UBA2: variants seen among roughly 807,000 people sequenced by gnomAD.
The protein encoded by UBA2 is SUMO-activating enzyme subunit 2.
A neutral mutation model predicts 77.2 loss-of-function variants in UBA2; 11 were observed. That is an observed-to-expected ratio of 0.14 (90% CI 0.09 to 0.24). The LOEUF is 0.24. Among genes scored for constraint, UBA2 ranks in the 10% least tolerant of loss-of-function variants. UBA2 has a pLI of 1.00. For synonymous variants in UBA2, 278 were observed against 276.7 expected (o/e 1.00, Z -0.05); for missense variants, 487 against 781.7 (o/e 0.62, Z 4.50).
chr19:34,445,512 T>C (rs1404708991), intron 8 of UBA2, among the ~76,000 whole-genome samples: 1 of 146,480 alleles, frequency 6.8e-6, no homozygotes, highest in Non-Finnish European at 1.5e-5. Flanking sequence ...CGATCTCGGC[T>C]CACTGCAGCC....
At chr19:34,434,834 TCCCAAAAA>T in intron 4 of UBA2, 26 bp from the exon 5 acceptor site, 1 of 1,510,666 alleles carries the variant, frequency 6.6e-7, no homozygotes. Flanking sequence ...ATTTTTTTTT[TCCCAAAAA>T]CTCATACTGT....
chr19:34,434,143 G>A (rs1218771975), intron 4 of UBA2, among the ~76,000 whole-genome samples: 8 of 152,216 alleles, frequency 5.3e-5, no homozygotes, highest in African/African-American at 1.9e-4. Context: ...GGCTTGGGGG[G>A]TCTCACTGTT....
intron 15 of UBA2, 135 bp from the exon 16 acceptor site, chr19:34,466,743 T>C (rs1003456452): frequency 4.5e-6 from 3 of 663,592 alleles, no homozygotes; most frequent in South Asian, 7.4e-5. Context: ...TTTTTTTAAA[T>C]AAAAATTAAA....
intron 12 of UBA2, among the ~76,000 whole-genome samples, chr19:34,454,820 A>G (rs1481097241): frequency 6.6e-6 from 1 of 152,188 alleles, no homozygotes; most frequent in African/African-American, 2.4e-5. Context: ...TCCTTATACT[A>G]AGAAGATGTT....
Position 34,469,923 on chromosome 19 carries a change from C to T in UBA2, c.*702C>T, listed in dbSNP as rs984173752. The T allele has an allele frequency of 6.6e-6, 1 of 152,444 alleles. No individual in the cohort carries two copies. The highest frequency in any genetic ancestry group is 1.9e-4 in the East Asian group (1 of 5,190). The allele number at this position is 152,444 out of a possible 1,614,324, so 9.4% of individuals were successfully genotyped here. A position where few individuals can be genotyped will look rare whatever the true frequency, so the allele number is the denominator to read the frequency against. On this transcript the variant is annotated 3_prime_UTR_variant, in exon 17 of 17. Transcript: ENST00000246548. ...CCTGCACAGTTCCTGTTTCTGCTGC[C>T]TTATATCTACTGCAGGAATGTCAAA...
rs141446035 is a variant in UBA2, at chr19:34,449,011, A to C, written c.772-1254A>C. Among the ~76,000 whole-genome samples the C allele has an allele frequency of 3.5e-3, 533 of 151,544 alleles. 3 individuals carry two copies. The highest frequency in any genetic ancestry group is 0.012 in the African/African-American group (507 of 41,266). On this transcript the variant is annotated intron_variant, in intron 8 of 16. Coordinates refer to ENST00000246548, the MANE Select transcript of UBA2 (RefSeq NM_005499.3). ...ATCTCCTTGCCTTTGTACCCATTTC[A>C]CATGTTGCTGTCATAAGGAGACTCT...
At chr19:34,450,463 A>G in intron 9 of UBA2, 99 bp downstream of exon 9, 5 of 760,172 alleles carry the variant, frequency 6.6e-6, no homozygotes, top group Non-Finnish European at 1.0e-5. Context: ...ATATGTCTTC[A>G]TATATTCAAA....
In UBA2 at chr19:34,470,311, C is replaced by A. The variant is rs1328162010; in HGVS notation, c.*1090C>A. The A allele has an allele frequency of 6.6e-6, 1 of 152,070 alleles. No individual in the cohort carries two copies. The highest frequency in any genetic ancestry group is 1.5e-5 in the Non-Finnish European group (1 of 68,018). 9.4% of individuals were successfully genotyped at this position (152,070 alleles called of 1,614,324 possible). A position where few individuals can be genotyped will look rare whatever the true frequency, so the allele number is the denominator to read the frequency against. The stretch of plus-strand genomic sequence containing the variant: ...TTGCCAAAGACGAGTACTTTCTTTT[C>A]TTTATTCTTGGAGACTTCACATGTA... On this transcript the variant is annotated 3_prime_UTR_variant, in exon 17 of 17. Coordinates refer to ENST00000246548, the MANE Select transcript of UBA2 (RefSeq NM_005499.3).
intron 8 of UBA2, among the ~76,000 whole-genome samples, chr19:34,445,549 C>T (rs1054636706): frequency 6.6e-6 from 1 of 150,468 alleles, no homozygotes; most frequent in Admixed American, 6.7e-5. Context: ...AGTGATTCTC[C>T]TGCCTCAGCC....
chr19:34,453,616 C>T (rs566098933), intron 10 of UBA2, among the ~76,000 whole-genome samples: 11 of 151,354 alleles, frequency 7.3e-5, no homozygotes, highest in African/African-American at 2.2e-4. Context: ...CTCTGCGTCC[C>T]GGGTTCAAGT....
At chr19:34,463,219 C>T (rs1453358083) in intron 14 of UBA2, among the ~76,000 whole-genome samples, 1 of 152,028 alleles carries the variant, frequency 6.6e-6, no homozygotes, top group Non-Finnish European at 1.5e-5. Flanking sequence ...CTGTGTGACA[C>T]GGTGAGACCC....
intron 15 of UBA2, 119 bp downstream of exon 15, chr19:34,464,250 A>G (rs1224000025): frequency 1.3e-5 from 9 of 676,736 alleles, no homozygotes; most frequent in African/African-American, 1.1e-4. Context: ...ACTGTATAGT[A>G]TATTTGGTTG....
intron 5 of UBA2, among the ~76,000 whole-genome samples, chr19:34,435,699 G>A (rs2075300771): frequency 1.3e-5 from 2 of 151,844 alleles, no homozygotes; most frequent in South Asian, 2.1e-4. Flanking sequence ...GTGTGGAGGC[G>A]TGTACCTGTA....
intron 12 of UBA2, among the ~76,000 whole-genome samples, chr19:34,457,174 AAAAAAATATAT>A (rs2075573101): frequency 1.0e-5 from 1 of 99,914 alleles, no homozygotes; most frequent in South Asian, 3.7e-4. Context: ...ACTAAAAAAA[AAAAAAATATAT>A]ATATATATAT....
intron 6 of UBA2, among the ~76,000 whole-genome samples, chr19:34,440,475 C>G (rs560831564): frequency 6.6e-6 from 1 of 152,258 alleles, no homozygotes; most frequent in African/African-American, 2.4e-5. Flanking sequence ...TAGCTAAACT[C>G]TCCCTGAGAA....
intron 9 of UBA2, among the ~76,000 whole-genome samples, chr19:34,450,840 A>G (rs575823327): frequency 6.7e-6 from 1 of 148,918 alleles, no homozygotes; most frequent in South Asian, 2.1e-4. Context: ...CCTGGGTTCA[A>G]GCGATTCTCC....
At chr19:34,468,527 T>C (rs1025930933) in intron 16 of UBA2, among the ~76,000 whole-genome samples, 6 of 152,214 alleles carry the variant, frequency 3.9e-5, no homozygotes, top group South Asian at 2.1e-4. Flanking sequence ...CAGTTCTGCA[T>C]TGGGGATGGT....
chr19:34,444,044 GTTTTTT>G (rs35028159), intron 7 of UBA2, 133 bp downstream of exon 7: 552 of 175,366 alleles, frequency 3.1e-3, no homozygotes, highest in South Asian at 6.8e-3. Context: ...TTTTTTTTTT[GTTTTTT>G]TTTTTTTTTT....
intron 8 of UBA2, among the ~76,000 whole-genome samples, chr19:34,446,614 T>C (rs2075434318): frequency 8.7e-5 from 2 of 22,960 alleles, no homozygotes; most frequent in African/African-American, 5.7e-5. Context: ...TTTTCTTTCT[T>C]TTTTTTTTTT....
Sources: allele counts gnomAD v4.1 joint callset (sites outside exome capture counted in the v4.1 genomes callset), GRCh38; gene constraint gnomAD v4.1.1; transcripts MANE v1.5; gene names NCBI Gene and HGNC (gene_info 2026-07-23, HGNC 2026-07-21).